Variants in STX3 observed in about 807,000 individuals in gnomAD.
STX3 encodes syntaxin 3.
In STX3, 19 loss-of-function variants were observed where a neutral mutation model predicts 40.2. That is an observed-to-expected ratio of 0.47 (90% CI 0.33 to 0.69). The LOEUF is 0.69. Among genes scored for constraint, STX3 ranks in the 30% least tolerant of loss-of-function variants. STX3 has a pLI of 0.02. For synonymous variants in STX3, 122 were observed against 132.2 expected (o/e 0.92, Z 0.53); for missense variants, 364 against 366.7 (o/e 0.99, Z 0.06).
At chr11:59,766,996 G>T (rs1280439365) in intron 1 of STX3, among the ~76,000 whole-genome samples, 1 of 152,200 alleles carries the variant, frequency 6.6e-6, no homozygotes, top group East Asian at 1.9e-4. Flanking sequence ...AGCTAATGAA[G>T]AGAGGAACCT....
chr11:59,787,162 A>G, intron 3 of STX3, 26 bp downstream of exon 3: 2 of 1,595,508 alleles, frequency 1.3e-6, no homozygotes, highest in Non-Finnish European at 1.7e-6. Context: ...GAACTGAGTC[A>G]TCCAACAATC....
At chr11:59,782,755 G>A (rs1864476571) in intron 2 of STX3, among the ~76,000 whole-genome samples, 1 of 152,048 alleles carries the variant, frequency 6.6e-6, no homozygotes, top group Non-Finnish European at 1.5e-5. Context: ...CACTTTGGGA[G>A]GCCGAGGTGG....
Position 59,778,990 on chromosome 11 carries a change from A to G in STX3, c.114+5696A>G, listed in dbSNP as rs554295547. 4.6e-5 allele frequency among the ~76,000 whole-genome samples: 7 copies of G among 152,002 alleles called. No homozygotes were observed. In the South Asian group the frequency reaches 1.5e-3, roughly 32 times the overall value. ...GTAGCTGGGATTACAGGCATCCACA[A>G]CAATGCCCAGCTAATTTTTGTATTT... is the stretch of plus-strand genomic sequence containing the variant. On this transcript the variant is annotated intron_variant, in intron 2 of 10. Transcript: ENST00000337979.
chr11:59,778,850 T>G lies in STX3; in HGVS notation c.114+5556T>G, dbSNP rs2447320. On this transcript the variant is annotated intron_variant, in intron 2 of 10. Coordinates refer to ENST00000337979, the MANE Select transcript of STX3 (RefSeq NM_004177.5). ...CTTTTCCTTTTTTTTTTTTTTTTTT[T>G]GGGGATGAAGTTTCGCTCTTGTCGC... is the stretch of plus-strand genomic sequence containing the variant. Among the ~76,000 whole-genome samples the G allele has an allele frequency of 3.5e-3, 509 of 146,956 alleles. 1 individual carries two copies. Among genetic ancestry groups the G allele is most frequent in the Non-Finnish European group, 4.8e-3 (324 of 67,278 alleles).
At chr11:59,787,455 G>A (rs1245087103) in intron 3 of STX3, among the ~76,000 whole-genome samples, 2 of 152,052 alleles carry the variant, frequency 1.3e-5, no homozygotes, top group East Asian at 1.9e-4. Flanking sequence ...GAGCCTCTGC[G>A]TGTACTATTT....
intron 6 of STX3, among the ~76,000 whole-genome samples, chr11:59,792,658 G>A (rs903612510): frequency 6.6e-6 from 1 of 152,236 alleles, no homozygotes; most frequent in African/African-American, 2.4e-5. Flanking sequence ...GGGCCCCGTG[G>A]AGTGGAAGGT....
chr11:59,782,801 T>G (rs1386068254), intron 2 of STX3, among the ~76,000 whole-genome samples: 1 of 151,046 alleles, frequency 6.6e-6, no homozygotes, highest in Non-Finnish European at 1.5e-5. Flanking sequence ...GAGACCAGCC[T>G]GGCCAACATG....
intron 2 of STX3, among the ~76,000 whole-genome samples, chr11:59,777,022 G>A (rs1342818584): frequency 6.6e-6 from 1 of 152,212 alleles, no homozygotes; most frequent in Non-Finnish European, 1.5e-5. Context: ...AGCGCTTACT[G>A]TCTTCAAGAT....
intron 1 of STX3, among the ~76,000 whole-genome samples, chr11:59,763,536 A>G (rs1863141640): frequency 6.6e-6 from 1 of 152,236 alleles, no homozygotes; most frequent in Admixed American, 6.5e-5. Flanking sequence ...ACCATGTATT[A>G]AGACACAAAG....
chr11:59,802,093 AC>A lies in STX3; in HGVS notation c.*1270del. ...CTTGTCCTGAGAACATCCCTCAGTA[AC>A]TTGATATTCACATGACCTACAGGAT... is the stretch of plus-strand genomic sequence containing the variant. On this transcript the variant is annotated 3_prime_UTR_variant, in exon 11 of 11. Coordinates refer to ENST00000337979, the MANE Select transcript of STX3 (RefSeq NM_004177.5). 3 of 985,432 alleles carry A rather than the reference AC, an allele frequency of 3.0e-6. No homozygotes were observed. The highest frequency in any genetic ancestry group is 3.6e-6 in the Non-Finnish European group (3 of 829,930). 61.0% of individuals were successfully genotyped at this position (985,432 alleles called of 1,614,324 possible). A position where few individuals can be genotyped will look rare whatever the true frequency, so the allele number is the denominator to read the frequency against.
intron 2 of STX3, among the ~76,000 whole-genome samples, chr11:59,784,933 T>A (rs918303258): frequency 3.3e-5 from 5 of 152,140 alleles, no homozygotes; most frequent in Admixed American, 6.6e-5. Flanking sequence ...ATTAAAAAAA[T>A]TAACTCTTCA....
At position 59,795,383 on chromosome 11, in the gene STX3, A is replaced by C. The variant is rs1865449841; in HGVS notation, c.687A>C (p.Leu229Phe). ...AMLVENQGEM[L>F]DNIELNVMHT... ...TCTGTTCTTTGCAGGGTGAGATGTT[A>C]GATAACATAGAGTTGAATGTCATGC... is the stretch of plus-strand genomic sequence containing the variant. Residue 229 changes from leucine to phenylalanine, a missense_variant, in exon 9 of 11, where the codon TTA becomes TTC. Coordinates refer to ENST00000337979, the MANE Select transcript of STX3 (RefSeq NM_004177.5). 2 of 1,612,864 alleles carry C rather than the reference A, an allele frequency of 1.2e-6. No homozygotes were observed. The highest frequency in any genetic ancestry group is 4.5e-5 in the East Asian group (2 of 44,882).
chr11:59,783,780 C>T (rs945350523), intron 2 of STX3, among the ~76,000 whole-genome samples: 3 of 152,276 alleles, frequency 2.0e-5, no homozygotes, highest in South Asian at 2.1e-4. Context: ...AGCAAAGCCA[C>T]GAAGTTCAAA....
At chr11:59,758,608 T>A (rs148787379) in intron 1 of STX3, among the ~76,000 whole-genome samples, 1 of 152,274 alleles carries the variant, frequency 6.6e-6, no homozygotes, top group Non-Finnish European at 1.5e-5. Context: ...ACTCACCTGG[T>A]CTCATCTCAT....
chr11:59,761,340 A>G (rs1042826512), intron 1 of STX3, among the ~76,000 whole-genome samples: 3 of 152,234 alleles, frequency 2.0e-5, no homozygotes, highest in Non-Finnish European at 4.4e-5. Context: ...AGCACTGAGC[A>G]TGCCTTTCCT....
At chr11:59,792,464 C>T (rs1865244789) in intron 6 of STX3, among the ~76,000 whole-genome samples, 1 of 152,172 alleles carries the variant, frequency 6.6e-6, no homozygotes. Context: ...AAATGCTTGC[C>T]AAACAGTTGC....
intron 4 of STX3, 181 bp downstream of exon 4, chr11:59,789,128 C>G: frequency 5.7e-6 from 3 of 528,528 alleles, no homozygotes; most frequent in Non-Finnish European, 1.0e-5. Context: ...TTTACCTTTT[C>G]TTAAATCCTG....
chr11:59,780,498 A>C (rs937048115), intron 2 of STX3, among the ~76,000 whole-genome samples: 1 of 152,204 alleles, frequency 6.6e-6, no homozygotes, highest in African/African-American at 2.4e-5. Flanking sequence ...AGATTAAGAC[A>C]GTGAGGTACT....
At position 59,755,625 on chromosome 11, in the gene STX3, A is replaced by T. The variant is rs767399246; in HGVS notation, c.20A>T (p.Gln7Leu). Residue 7 changes from glutamine (Q) to leucine (L), a missense_variant, in exon 1 of 11, where the codon CAG (glutamine) becomes CTG (leucine). Gln to Leu is a moderately radical substitution (Grantham distance 113). Coordinates refer to ENST00000337979, the MANE Select transcript of STX3 (RefSeq NM_004177.5). ...TTCAGGATGAAGGACCGTCTGGAGC[A>T]GCTGAAGGCCGTGAGTTTCGCCGCA... MKDRLE[Q>L]LKAKQLTQDD... 1 of 1,594,734 alleles carries T rather than the reference A, an allele frequency of 6.3e-7. No individual in the cohort carries two copies.
Sources: allele counts gnomAD v4.1 joint callset (sites outside exome capture counted in the v4.1 genomes callset), GRCh38; gene constraint gnomAD v4.1.1; transcripts MANE v1.5; gene names NCBI Gene and HGNC (gene_info 2026-07-23, HGNC 2026-07-21).